Variants in CHD1L observed in about 807,000 individuals in gnomAD.
CHD1L encodes the protein chromodomain helicase DNA binding protein 1 like.
In CHD1L, 118 loss-of-function variants were observed where a neutral mutation model predicts 115.9. The ratio of observed to expected loss-of-function variants is 1.02; its 90% CI spans 0.88 to 1.19. The LOEUF (loss-of-function observed/expected upper bound fraction) is 1.19, where lower values mean the gene tolerates loss of function less well. CHD1L is among the 50% of genes most tolerant of loss of function. The pLI is 0.00. For synonymous variants in CHD1L, 411 were observed against 387.1 expected (o/e 1.06, Z -0.72); for missense variants, 1,179 against 1,065.3 (o/e 1.11, Z -1.49).
chr1:147,268,314 T>C (rs1553950107), intron 9 of CHD1L, among the ~76,000 whole-genome samples: 1 of 152,162 alleles, frequency 6.6e-6, no homozygotes, highest in East Asian at 1.9e-4. Flanking sequence ...AGACTCTAGA[T>C]AGGATCAGTA....
In CHD1L at chr1:147,287,844, T is replaced by C. The variant is rs587748923; in HGVS notation, c.2320+111T>C. 3.5e-6 allele frequency: 3 copies of C among 860,054 alleles called. No individual in the cohort carries two copies. In the East Asian group the frequency reaches 7.8e-5, roughly 22 times the overall value. The allele number at this position is 860,054 out of a possible 1,614,324, so 53.3% of individuals were successfully genotyped here. On this transcript the variant is annotated intron_variant, in intron 19 of 22. Coordinates refer to ENST00000369258, the MANE Select transcript of CHD1L (RefSeq NM_004284.6). ...CTAGATAAGGAATTAGAATAACCAG[T>C]TGGGGACTGAATTCTGTCATAAATT...
the CHD1L span, among the ~76,000 whole-genome samples, chr1:147,220,102 T>G: frequency 6.6e-6 from 1 of 152,172 alleles, no homozygotes. Flanking sequence ...CCTCCCAAAG[T>G]GCTGGGATTA....
chr1:147,284,810 T>C (rs1682437080), intron 16 of CHD1L, among the ~76,000 whole-genome samples: 1 of 152,194 alleles, frequency 6.6e-6, no homozygotes, highest in South Asian at 2.1e-4. Flanking sequence ...TTGGTAATGA[T>C]GACCCTATGA....
intron 4 of CHD1L, among the ~76,000 whole-genome samples, chr1:147,256,283 G>A (rs587601818): frequency 5.3e-5 from 8 of 152,134 alleles, no homozygotes; most frequent in African/African-American, 1.7e-4. Flanking sequence ...AGACAGCTCC[G>A]GCCTTATTTT....
chr1:147,215,729 C>G, the CHD1L span: 1 of 1,537,936 alleles, frequency 6.5e-7, no homozygotes, highest in African/African-American at 1.4e-5. Flanking sequence ...ACTTCAAACA[C>G]AAAGATACCC....
chr1:147,252,847 C>G (rs1386848400), intron 2 of CHD1L, 112 bp downstream of exon 2: 2 of 872,488 alleles, frequency 2.3e-6, no homozygotes, highest in African/African-American at 1.7e-5. Flanking sequence ...ACAAATGTCC[C>G]TGGGATCCAG....
intron 18 of CHD1L, among the ~76,000 whole-genome samples, chr1:147,286,974 T>TG (rs1185481620): frequency 2.9e-5 from 3 of 101,758 alleles, no homozygotes; most frequent in African/African-American, 7.1e-5. Flanking sequence ...ACAGGCCCCA[T>TG]CCCCCCTGTT....
intron 21 of CHD1L, 139 bp downstream of exon 21, chr1:147,293,861 C>A: frequency 1.5e-6 from 1 of 667,354 alleles, no homozygotes; most frequent in Admixed American, 2.6e-5. Context: ...ATCACCCCAC[C>A]GTCTTGTAGT....
At position 147,276,118 on chromosome 1, in the gene CHD1L, T is replaced by C. The variant is rs1201399191; in HGVS notation, c.1400T>C (p.Ile467Thr). 3 of 1,614,036 alleles carry C rather than the reference T, an allele frequency of 1.9e-6. No homozygotes were observed. The highest frequency in any genetic ancestry group is 1.3e-5 in the African/African-American group (1 of 74,926). Residue 467 changes from isoleucine to threonine, a missense_variant, in exon 14 of 23, where the codon ATT becomes ACT. By Grantham distance (89) the Ile-to-Thr change is moderately conservative. Transcript: ENST00000369258. ...RIGQNKSVKVIRLIGRDTVEE... is the reference protein window; with the variant it reads ...RIGQNKSVKVTRLIGRDTVEE... Reference sequence around the variant, plus strand: ...CTTATGTCCAGGTCTGTTAAAGTTATTCGGCTGATTGGTCGAGACACTGTG... The same window carrying C: ...CTTATGTCCAGGTCTGTTAAAGTTACTCGGCTGATTGGTCGAGACACTGTG...
rs72999656 is a variant in CHD1L at position 147,287,690 on chromosome 1, C to T, written c.2277C>T (p.Ser759=). The T allele has an allele frequency of 2.6e-3, 4,223 of 1,613,868 alleles. 81 individuals are homozygous for T. The African/African-American group carries it at 0.05, about 19-fold the overall frequency. The change falls in exon 19 of 23, where the codon TCC becomes TCT. Residue 759 remains serine, a synonymous_variant. Transcript: ENST00000369258. ...GGLFTALEKR[S]AEPRKIYELA... ...TATTTACAGCTCTGGAAAAGCGATC[C>T]GCTGAGCCAAGAAAAATATATGAGC... is the stretch of plus-strand genomic sequence containing the variant.
At chr1:147,194,081 T>C in the CHD1L span, among the ~76,000 whole-genome samples, 1 of 152,120 alleles carries the variant, frequency 6.6e-6, no homozygotes, top group Non-Finnish European at 1.5e-5. Context: ...TCTGTCTCGT[T>C]GATCTGTCTA....
chr1:147,293,106 C>T (rs1455575082), intron 20 of CHD1L, among the ~76,000 whole-genome samples: 1 of 151,636 alleles, frequency 6.6e-6, no homozygotes, highest in African/African-American at 2.4e-5. Flanking sequence ...GATGTCATCC[C>T]GGAAGCTCCC....
In CHD1L at chr1:147,283,557, C is replaced by T. The variant is rs138322350; in HGVS notation, c.1706-794C>T. 2.4e-4 allele frequency among the ~76,000 whole-genome samples: 36 copies of T among 152,250 alleles called. No homozygotes were observed. The East Asian group carries it at 6.8e-3, about 29-fold the overall frequency. Reference sequence around the variant, plus strand: ...CATCTGTAAAATGGTCCTATTAATGCCTACTTTACTCTTTTACACAGTTGG... The same window carrying T: ...CATCTGTAAAATGGTCCTATTAATGTCTACTTTACTCTTTTACACAGTTGG... On this transcript the variant is annotated intron_variant, in intron 15 of 22. Transcript: ENST00000369258.
upstream of CHD1L, among the ~76,000 whole-genome samples, chr1:147,237,740 C>A (rs587685377): frequency 1.2e-3 from 182 of 152,248 alleles, 1 homozygote; most frequent in African/African-American, 3.8e-3. Flanking sequence ...ACTAGCTGGG[C>A]AGATTGCATA....
chr1:147,292,944 A>C (rs1686122760), intron 20 of CHD1L, among the ~76,000 whole-genome samples: 2 of 152,194 alleles, frequency 1.3e-5, no homozygotes, highest in African/African-American at 4.8e-5. Context: ...ACTAACAGCA[A>C]AGTGGTTTCT....
the CHD1L span, chr1:147,212,266 A>G: frequency 2.1e-6 from 2 of 940,696 alleles, no homozygotes; most frequent in Non-Finnish European, 3.2e-6. Flanking sequence ...ACGAAGCCCT[A>G]TATTTGCCAC....
At chr1:147,219,342 T>G in the CHD1L span, among the ~76,000 whole-genome samples, 1 of 152,118 alleles carries the variant, frequency 6.6e-6, no homozygotes, top group Non-Finnish European at 1.5e-5. Context: ...TAGAAAAAAA[T>G]GTGAAAATAC....
intron 19 of CHD1L, among the ~76,000 whole-genome samples, chr1:147,291,132 TTGAA>T (rs1685367480): frequency 6.6e-6 from 1 of 152,174 alleles, no homozygotes; most frequent in Admixed American, 6.5e-5. Flanking sequence ...ATGTAATAAT[TTGAA>T]TGATTTAGGA....
chr1:147,287,434 T>C (rs761637695), intron 18 of CHD1L, among the ~76,000 whole-genome samples: 1 of 152,226 alleles, frequency 6.6e-6, no homozygotes, highest in Non-Finnish European at 1.5e-5. Flanking sequence ...TTTCCTGTTA[T>C]CATGGCCCCA....
Sources: gnomAD v4.1 joint callset for allele counts (sites outside exome capture counted in the v4.1 genomes callset) on GRCh38, gnomAD v4.1.1 for gene constraint, MANE v1.5 for transcripts, NCBI Gene and HGNC (gene_info 2026-07-23, HGNC 2026-07-21) for gene names.